The following SH3RF3 variants were observed in gnomAD, a reference collection of about 807,000 sequenced individuals.
The protein encoded by SH3RF3 is SH3 domain containing ring finger 3, also known as E3 ubiquitin-protein ligase SH3RF3.
Under a neutral mutation model 66.3 loss-of-function variants are expected in SH3RF3, and 29 were observed. The observed-to-expected ratio is 0.44, with a 90% CI of 0.33 to 0.60. SH3RF3 has a LOEUF of 0.60. SH3RF3 is among the 20% of genes least tolerant of loss of function. SH3RF3 has a pLI of 0.04. For missense variants in SH3RF3, 1,194 were observed against 1,190.9 expected, an observed-to-expected ratio of 1.00 and a Z score of -0.04; for synonymous variants, 583 against 532.0, an observed-to-expected ratio of 1.10 and a Z score of -1.32.
At chr2:109,487,148 C>T (rs1015733498) in intron 8 of SH3RF3, among the ~76,000 whole-genome samples, 2 of 152,204 alleles carry the variant, frequency 1.3e-5, no homozygotes, top group South Asian at 2.1e-4. Context: ...TGCTTACTCC[C>T]AGTCCCAGGA....
chr2:109,276,205 A>G (rs1028303657), intron 1 of SH3RF3, among the ~76,000 whole-genome samples: 3 of 152,230 alleles, frequency 2.0e-5, no homozygotes, highest in Non-Finnish European at 4.4e-5. Context: ...GTTCTCCCAC[A>G]TCACCATATG....
chr2:109,171,785 C>T (rs1042893662), intron 1 of SH3RF3, among the ~76,000 whole-genome samples: 6 of 152,364 alleles, frequency 3.9e-5, no homozygotes, highest in East Asian at 1.9e-4. Flanking sequence ...ATCCCGGCCA[C>T]GCTCACTTGC....
intron 1 of SH3RF3, among the ~76,000 whole-genome samples, chr2:109,343,766 A>T: frequency 6.9e-6 from 1 of 145,390 alleles, no homozygotes; most frequent in Non-Finnish European, 1.5e-5. Flanking sequence ...TTTCTTAGAC[A>T]CAGGTTCTTG....
At chr2:109,397,090 T>G (rs1676167970) in intron 3 of SH3RF3, among the ~76,000 whole-genome samples, 1 of 152,112 alleles carries the variant, frequency 6.6e-6, no homozygotes, top group African/African-American at 2.4e-5. Flanking sequence ...AGCCCAGTTG[T>G]GCTGCTGCAG....
At chr2:109,148,912 A>G (rs1359194925) in intron 1 of SH3RF3, among the ~76,000 whole-genome samples, 1 of 152,128 alleles carries the variant, frequency 6.6e-6, no homozygotes, top group African/African-American at 2.4e-5. Flanking sequence ...GTTTTACCCA[A>G]AAAAAATCAA....
intron 1 of SH3RF3, among the ~76,000 whole-genome samples, chr2:109,280,769 G>T (rs925398982): frequency 3.3e-5 from 5 of 152,218 alleles, no homozygotes; most frequent in Admixed American, 1.3e-4. Flanking sequence ...AGCCTCGAGG[G>T]CGCTGCAGGG....
At chr2:109,295,776 C>T (rs887342503) in intron 1 of SH3RF3, among the ~76,000 whole-genome samples, 6 of 152,234 alleles carry the variant, frequency 3.9e-5, no homozygotes, top group Non-Finnish European at 7.4e-5. Flanking sequence ...CTTGTGGGCA[C>T]GTCTGTGGTG....
At chr2:109,231,673 T>A (rs994046526) in intron 1 of SH3RF3, among the ~76,000 whole-genome samples, 6 of 152,236 alleles carry the variant, frequency 3.9e-5, no homozygotes, top group Non-Finnish European at 5.9e-5. Context: ...TTAGCCTAAG[T>A]AAAAATATAA....
At chr2:109,393,995 C>T (rs919583319) in intron 3 of SH3RF3, among the ~76,000 whole-genome samples, 3 of 152,130 alleles carry the variant, frequency 2.0e-5, no homozygotes, top group East Asian at 1.9e-4. Context: ...ACCTCCCCAC[C>T]GGAGTCAGGA....
intron 1 of SH3RF3, among the ~76,000 whole-genome samples, chr2:109,198,741 A>G (rs1678566897): frequency 6.6e-6 from 1 of 152,114 alleles, no homozygotes; most frequent in South Asian, 2.1e-4. Flanking sequence ...CTCATGACCT[A>G]ATCACCTTCC....
intron 1 of SH3RF3, among the ~76,000 whole-genome samples, chr2:109,267,673 A>G (rs1680530187): frequency 6.6e-6 from 1 of 152,196 alleles, no homozygotes; most frequent in Non-Finnish European, 1.5e-5. Context: ...TCTGGGAGGC[A>G]GGAGCCCCAC....
At chr2:109,170,288 TCTTCTC>T (rs1255723922) in intron 1 of SH3RF3, among the ~76,000 whole-genome samples, 7 of 124,224 alleles carry the variant, frequency 5.6e-5, no homozygotes, top group African/African-American at 2.0e-4. Flanking sequence ...TCTTCTCTTC[TCTTCTC>T]TTCTCTTCTC....
In SH3RF3 at chr2:109,457,088, C is replaced by A. The variant is rs62154203; in HGVS notation, c.2148+7599C>A. 8.7e-3 allele frequency among the ~76,000 whole-genome samples: 1,324 copies of A among 152,294 alleles called. 11 individuals are homozygous for A. Among genetic ancestry groups the A allele is most frequent in the Non-Finnish European group, 0.015 (1,022 of 68,016 alleles). ...GAGCAAGCTTCTCCACCTTCCATGC[C>A]TCAGTTTCCACATCTGTGAAATGGG... On this transcript the variant is annotated intron_variant, in intron 8 of 9. Transcript: ENST00000309415.
Position 109,449,507 on chromosome 2 carries a change from G to T in SH3RF3, c.2148+18G>T. On this transcript the variant is annotated intron_variant, in intron 8 of 9. Transcript: ENST00000309415. ...GTGAAAAGGTAAGAGGCCCATCCTG[G>T]ACGAGCCCTGGGCTCGAGGCCAGCT... is the stretch of plus-strand genomic sequence containing the variant. 6.2e-7 allele frequency: 1 copy of T among 1,611,478 alleles called. No homozygotes were observed.
chr2:109,213,459 T>C (rs1226266493), intron 1 of SH3RF3, among the ~76,000 whole-genome samples: 2 of 152,182 alleles, frequency 1.3e-5, no homozygotes, highest in Non-Finnish European at 2.9e-5. Context: ...CTTCCCCTTA[T>C]ATCTCACTGG....
At chr2:109,285,891 C>T (rs1322695311) in intron 1 of SH3RF3, among the ~76,000 whole-genome samples, 1 of 152,216 alleles carries the variant, frequency 6.6e-6, no homozygotes, top group East Asian at 1.9e-4. Context: ...CCCCAGCGTG[C>T]CTCCTTCTAC....
At chr2:109,378,402 C>T (rs1164373621) in intron 3 of SH3RF3, among the ~76,000 whole-genome samples, 1 of 152,180 alleles carries the variant, frequency 6.6e-6, no homozygotes, top group Non-Finnish European at 1.5e-5. Context: ...ACTTTATGCA[C>T]CCCCACCTGA....
At chr2:109,499,048 C>T (rs1468087992) in intron 9 of SH3RF3, among the ~76,000 whole-genome samples, 2 of 152,156 alleles carry the variant, frequency 1.3e-5, no homozygotes, top group Non-Finnish European at 2.9e-5. Flanking sequence ...CTGCTGGAGC[C>T]CTCTGAGCCT....
intron 1 of SH3RF3, among the ~76,000 whole-genome samples, chr2:109,282,837 G>A (rs1231004516): frequency 6.6e-6 from 1 of 152,140 alleles, no homozygotes; most frequent in East Asian, 1.9e-4. Context: ...GGAGGTGGAG[G>A]GGTAATGGTC....
Sources: gnomAD v4.1 joint callset for allele counts (sites outside exome capture counted in the v4.1 genomes callset) on GRCh38, gnomAD v4.1.1 for gene constraint, MANE v1.5 for transcripts, NCBI Gene and HGNC (gene_info 2026-07-23, HGNC 2026-07-21) for gene names.